The following SLC12A5 variants were observed in gnomAD, a reference collection of about 807,000 sequenced individuals.
SLC12A5 encodes the protein K-Cl cotransporter 2.
SLC12A5 carries 18 observed loss-of-function variants against 124.0 expected under a neutral mutation model. The observed-to-expected ratio is 0.15, with a 90% CI of 0.10 to 0.22. SLC12A5 has a LOEUF of 0.22. Among genes scored for constraint, SLC12A5 ranks in the 10% least tolerant of loss-of-function variants. SLC12A5 has a pLI of 1.00. For missense variants in SLC12A5, 867 were observed against 1,478.7 expected (o/e 0.59, Z 6.78); for synonymous variants, 589 against 568.0 (o/e 1.04, Z -0.53).
Position 46,053,552 on chromosome 20 carries a change from T to C in SLC12A5, c.2548-26T>C. The C allele has an allele frequency of 1.2e-6, 2 of 1,612,448 alleles. No homozygotes were observed. Among genetic ancestry groups the C allele is most frequent in the East Asian group, 4.5e-5 (2 of 44,864 alleles). ...TCCTCATCACATCTGGGCTGGACCTTTCTGAATCCCCTTCATCGCCTGCAG... is the reference window on the plus strand; with the variant it reads ...TCCTCATCACATCTGGGCTGGACCTCTCTGAATCCCCTTCATCGCCTGCAG... On this transcript the variant is annotated intron_variant, in intron 19 of 25. Transcript: ENST00000243964. This position sits in a 1 kb window ranked among gnomAD's most constrained non-coding sequence, Gnocchi z 4.7.
chr20:46,037,514 G>C, intron 6 of SLC12A5, 129 bp downstream of exon 6: 1 of 1,044,396 alleles, frequency 9.6e-7, no homozygotes, highest in Non-Finnish European at 1.3e-6. Context: ...GCCAAAGTCA[G>C]ATGTGGTTCT....
intron 1 of SLC12A5, among the ~76,000 whole-genome samples, chr20:46,022,349 G>A (rs773312837): frequency 4.9e-4 from 74 of 150,530 alleles, no homozygotes; most frequent in Non-Finnish European, 7.5e-4. Flanking sequence ...AGGTTGGTTT[G>A]GGGTCAGGAA....
rs369516765 is a variant in SLC12A5 at position 46,050,817 on chromosome 20, C to T, written c.2182-858C>T. 2.0e-4 allele frequency among the ~76,000 whole-genome samples: 31 copies of T among 152,284 alleles called. No individual in the cohort carries two copies. In the East Asian group the frequency reaches 2.9e-3, roughly 14 times the overall value. On this transcript the variant is annotated intron_variant, in intron 17 of 25. Coordinates refer to ENST00000243964, the MANE Select transcript of SLC12A5 (RefSeq NM_020708.5). ...GAAGGCTCTCAGACCCACCGGATGT[C>T]GATAAATGCTGTTAGAGTTAATAAC...
chr20:46,030,444 G>C (rs2084438782), intron 1 of SLC12A5, among the ~76,000 whole-genome samples: 1 of 151,966 alleles, frequency 6.6e-6, no homozygotes, highest in African/African-American at 2.4e-5. Flanking sequence ...CTTGGGGCCA[G>C]CCACCCCCTC....
At chr20:46,037,009 C>G (rs912456825) in intron 5 of SLC12A5, among the ~76,000 whole-genome samples, 1 of 151,966 alleles carries the variant, frequency 6.6e-6, no homozygotes, top group Non-Finnish European at 1.5e-5. Flanking sequence ...AGACCCTCCT[C>G]TCCACCATCC....
rs762830133 is a variant in SLC12A5 at position 46,058,613 on chromosome 20, G to C, written c.*1008G>C. On this transcript the variant is annotated 3_prime_UTR_variant, in exon 26 of 26. Transcript: ENST00000243964. This position sits in a 1 kb window ranked among gnomAD's most constrained non-coding sequence, Gnocchi z 5.8. Reference sequence around the variant, plus strand: ...AGCCCCGCCCCGGTGCCTTCGCTGGGGAGCAGGCGTCTCTCCTCAGTCGGC... The same window carrying C: ...AGCCCCGCCCCGGTGCCTTCGCTGGCGAGCAGGCGTCTCTCCTCAGTCGGC... 2.5e-6 allele frequency: 1 copy of C among 399,080 alleles called. No individual in the cohort carries two copies. The highest frequency in any genetic ancestry group is 4.4e-6 in the Non-Finnish European group (1 of 226,132). 24.7% of individuals were successfully genotyped at this position (399,080 alleles called of 1,614,324 possible). A position where few individuals can be genotyped will look rare whatever the true frequency, so the allele number is the denominator to read the frequency against.
intron 14 of SLC12A5, among the ~76,000 whole-genome samples, chr20:46,046,758 G>C (rs1293919552): frequency 6.6e-6 from 1 of 152,210 alleles, no homozygotes; most frequent in Non-Finnish European, 1.5e-5. Context: ...GCACTTCCTA[G>C]CTGTGAGATC....
In SLC12A5 at chr20:46,045,086, G is replaced by A. The variant is rs749299271; in HGVS notation, c.1515G>A (p.Gly505=). 1.9e-6 allele frequency: 3 copies of A among 1,612,042 alleles called. No individual in the cohort carries two copies. The highest frequency in any genetic ancestry group is 2.2e-5 in the East Asian group (1 of 44,848). Residue 505 remains glycine (G), a synonymous_variant, in exon 12 of 26, where the codon GGG becomes GGA. Coordinates refer to ENST00000243964, the MANE Select transcript of SLC12A5 (RefSeq NM_020708.5). This position sits in a 1 kb window ranked among gnomAD's most constrained non-coding sequence, Gnocchi z 4.9. The part of the protein sequence containing the change: ...TCGAGLQSLT[G]APRLLQAISR... ...GGGCTGGGCTGCAGAGCCTCACGGG[G>A]GCCCCACGCCTGCTGCAGGCCATCT...
chr20:46,046,497 T>C lies in SLC12A5; in HGVS notation c.1787+61T>C, dbSNP rs3848727. On this transcript the variant is annotated intron_variant, in intron 14 of 25. Transcript: ENST00000243964. ...TTGCTCACCTCCACGCCAATCCTCA[T>C]CTTACTCCAGTCCATCCCCTCTGGG... 1,431,409 of 1,435,266 alleles carry C rather than the reference T, an allele frequency of 1. 713,880 individuals carry two copies. The highest frequency in any genetic ancestry group is 1 in the East Asian group (43,980 of 43,980). The allele number at this position is 1,435,266 out of a possible 1,614,324, so 88.9% of individuals were successfully genotyped here.
chr20:46,045,151 G>A lies in SLC12A5; in HGVS notation c.1569+11G>A. On this transcript the variant is annotated intron_variant, in intron 12 of 25. Transcript: ENST00000243964. The surrounding 1 kb of genome is among the most constrained non-coding windows in gnomAD (Gnocchi z 4.9). ...GTGCCCTTCCTGCAGGTCAGTGTGG[G>A]AGAAGAACAGCCCACCCTCAGTAGA... 6.4e-7 allele frequency: 1 copy of A among 1,556,266 alleles called. No homozygotes were observed. The highest frequency in any genetic ancestry group is 8.7e-7 in the Non-Finnish European group (1 of 1,153,420).
At chr20:46,052,933 G>A in intron 18 of SLC12A5, 24 bp from the exon 19 acceptor site, 3 of 1,592,120 alleles carry the variant, frequency 1.9e-6, no homozygotes, top group Non-Finnish European at 2.6e-6. Flanking sequence ...TTCCCCCTCT[G>A]GCCCTCTCCT....
intron 21 of SLC12A5, among the ~76,000 whole-genome samples, chr20:46,055,231 A>C (rs1295784703): frequency 6.6e-6 from 1 of 152,088 alleles, no homozygotes; most frequent in African/African-American, 2.4e-5. Flanking sequence ...CAGGAGGCAG[A>C]GGGACTTTGG....
In SLC12A5 at chr20:46,049,615, T is replaced by C. The variant is rs1404275032; in HGVS notation, c.2013-7T>C. 5 of 1,597,932 alleles carry C rather than the reference T, an allele frequency of 3.1e-6. No individual in the cohort carries two copies. The highest frequency in any genetic ancestry group is 4.3e-6 in the Non-Finnish European group (5 of 1,172,426). On this transcript the variant is annotated splice_region_variant and splice_polypyrimidine_tract_variant and intron_variant, in intron 16 of 25. Coordinates refer to ENST00000243964, the MANE Select transcript of SLC12A5 (RefSeq NM_020708.5). ...ATATGGATTATGTGACTCTGCACACTCTTCAGGCCACAGCTGCTGGTGCTG... is the reference window on the plus strand; with the variant it reads ...ATATGGATTATGTGACTCTGCACACCCTTCAGGCCACAGCTGCTGGTGCTG...
chr20:46,022,943 GGGAGGAGGAGGAGGA>G (rs34923327), exon 2 of SLC12A5: 11 of 366,158 alleles, frequency 3.0e-5, no homozygotes, highest in Admixed American at 5.1e-5. Flanking sequence ...CCCCAGCGAG[GGGAGGAGGAGGAGGA>G]GGAGGAGGAG....
intron 1 of SLC12A5, among the ~76,000 whole-genome samples, chr20:46,032,681 C>G (rs1325631567): frequency 6.6e-6 from 1 of 152,202 alleles, no homozygotes; most frequent in African/African-American, 2.4e-5. Context: ...GCCAGTGAAG[C>G]TGGGACTGGA....
At position 46,056,696 on chromosome 20, in the gene SLC12A5, C is replaced by T; in HGVS notation, c.3110+132C>T. The T allele has an allele frequency of 1.7e-6, 2 of 1,171,226 alleles. No homozygotes were observed. Among genetic ancestry groups the T allele is most frequent in the Non-Finnish European group, 2.4e-6 (2 of 827,112 alleles). The allele number at this position is 1,171,226 out of a possible 1,614,324, so 72.6% of individuals were successfully genotyped here. ...CCCAGCTCAGACATTGTCTTGGTTT[C>T]TCCATCTGAGGACTTAGGGGGTTGG... On this transcript the variant is annotated intron_variant, in intron 23 of 25. Transcript: ENST00000243964. This position sits in a 1 kb window ranked among gnomAD's most constrained non-coding sequence, Gnocchi z 4.3.
rs1179723675 is a variant in SLC12A5 at position 46,053,038 on chromosome 20, G to A, written c.2459G>A (p.Arg820His). The A allele has an allele frequency of 5.6e-6, 9 of 1,614,062 alleles. No homozygotes were observed. The highest frequency in any genetic ancestry group is 1.3e-5 in the African/African-American group (1 of 74,932). ...NVSMFPGNPERFSEGSIDVWW... is the reference protein window; with the variant it reads ...NVSMFPGNPEHFSEGSIDVWW... ...TCCATGTTTCCTGGGAACCCTGAGC[G>A]CTTCTCTGAGGGCAGCATCGACGTT... Residue 820 changes from arginine (R) to histidine (H), a missense_variant, in exon 19 of 26, where the codon CGC becomes CAC. Arg to His is a conservative substitution (Grantham distance 29, BLOSUM62 0). This residue lies in a region of SLC12A5 where 110 missense variants were observed against 149.9 expected (regional missense o/e 0.73). Coordinates refer to ENST00000243964, the MANE Select transcript of SLC12A5 (RefSeq NM_020708.5). The surrounding 1 kb of genome is among the most constrained non-coding windows in gnomAD (Gnocchi z 4.7).
rs367965141 is a variant in SLC12A5, at chr20:46,041,482, C to T, written c.1008C>T (p.Thr336=). 19 of 1,614,112 alleles carry T rather than the reference C, an allele frequency of 1.2e-5. No homozygotes were observed. The African/African-American group carries it at 1.3e-4, about 11-fold the overall frequency. ...ACGCCACCTGTGATGAATACTTCAC[C>T]CGAAACAATGTCACAGAGATCCAGG... ...FLNATCDEYF[T]RNNVTEIQGI... Residue 336 remains threonine, a synonymous_variant, in exon 8 of 26, where the codon ACC becomes ACT. Coordinates refer to ENST00000243964, the MANE Select transcript of SLC12A5 (RefSeq NM_020708.5).
In SLC12A5 at chr20:46,057,128, C is replaced by A. The variant is rs777706352; in HGVS notation, c.3126-42C>A. On this transcript the variant is annotated intron_variant, in intron 24 of 25. Coordinates refer to ENST00000243964, the MANE Select transcript of SLC12A5 (RefSeq NM_020708.5). This position sits in a 1 kb window ranked among gnomAD's most constrained non-coding sequence, Gnocchi z 7.1. ...GGCGACTGGCTCCAATCTTCTCTAC[C>A]CCCCCGGCTCACGCGGTCTCCACTC... The A allele has an allele frequency of 2.5e-6, 4 of 1,611,428 alleles. No homozygotes were observed. The highest frequency in any genetic ancestry group is 2.2e-5 in the East Asian group (1 of 44,804).
Sources: gnomAD v4.1 joint callset for allele counts (sites outside exome capture counted in the v4.1 genomes callset) on GRCh38, gnomAD v4.1.1 for gene constraint, gnomAD v4.1.1 regional missense constraint, Gnocchi (gnomAD v3.1) non-coding constraint, MANE v1.5 for transcripts, NCBI Gene and HGNC (gene_info 2026-07-23, HGNC 2026-07-21) for gene names.